The following NLRP7 variants were observed in gnomAD, a reference collection of about 807,000 sequenced individuals.
NLRP7 encodes NACHT, LRR and PYD domains-containing protein 7.
NLRP7 carries 72 observed loss-of-function variants against 85.5 expected under a neutral mutation model. That is an observed-to-expected ratio of 0.84 (90% CI 0.70 to 1.02). The LOEUF is 1.02. Among genes scored for constraint, NLRP7 ranks in the 50% least tolerant of loss-of-function variants. The pLI is 0.00. For synonymous variants in NLRP7, 550 were observed against 505.2 expected (o/e 1.09, Z -1.19); for missense variants, 1,243 against 1,219.5 (o/e 1.02, Z -0.29).
chr19:54,931,230 T>C (rs571701903), intron 8 of NLRP7, among the ~76,000 whole-genome samples: 43 of 152,158 alleles, frequency 2.8e-4, no homozygotes, highest in Middle Eastern at 6.8e-3. Flanking sequence ...AAGACCAGCC[T>C]GGCCAACATG....
At chr19:54,945,826 G>T (rs1442896542) in intron 1 of NLRP7, among the ~76,000 whole-genome samples, 1 of 151,682 alleles carries the variant, frequency 6.6e-6, no homozygotes, top group Non-Finnish European at 1.5e-5. Flanking sequence ...GTCTTGCTCT[G>T]TCACCCAGGC....
intron 8 of NLRP7, among the ~76,000 whole-genome samples, chr19:54,931,698 A>C (rs2068686234): frequency 6.6e-6 from 1 of 151,884 alleles, no homozygotes. Context: ...AAAAAAAAAA[A>C]AATTAGCCAG....
At position 54,926,913 on chromosome 19, in the gene NLRP7, CT is replaced by C. The variant is rs562761105; in HGVS notation, c.2811-3042del. On this transcript the variant is annotated intron_variant, in intron 9 of 9. Coordinates refer to ENST00000340844, the Ensembl canonical transcript of NLRP7. ...CCTGGGGGACAGAGAGAGACTCTGT[CT>C]TTAAAAAAAAAAAAAAAAAAAAAAA... 4.2e-4 allele frequency among the ~76,000 whole-genome samples: 25 copies of C among 59,696 alleles called. 2 individuals are homozygous for C. Among genetic ancestry groups the C allele is most frequent in the African/African-American group, 1.3e-3 (16 of 12,560 alleles). 39.2% of individuals were successfully genotyped at this position (59,696 alleles called of 152,430 possible).
chr19:54,938,195 A>C (rs759748084), exon 5 of NLRP7: 1 of 1,614,072 alleles, frequency 6.2e-7, no homozygotes, highest in East Asian at 2.2e-5. Context: ...AGGCGAAGAG[A>C]GCGAAGATCC....
At chr19:54,930,706 T>C (rs1400251578) in intron 8 of NLRP7, 40 bp from the exon 9 acceptor site, 6 of 1,559,624 alleles carry the variant, frequency 3.8e-6, no homozygotes, top group Non-Finnish European at 5.3e-6. Flanking sequence ...GTTATCCCTC[T>C]GGCTAACGCC....
In NLRP7 at chr19:54,934,449, A is replaced by G; in HGVS notation, c.2471+40T>C. On this transcript the variant is annotated intron_variant, in intron 7 of 9. Transcript: ENST00000340844. This position sits in a 1 kb window ranked among gnomAD's most constrained non-coding sequence, Gnocchi z 6.7. ...GTTACCCTTTCTCTTCTATAGCCCC[A>G]GAACTAAACCAGAGCTGCCCATGGG... 1 of 1,607,760 alleles carries G rather than the reference A, an allele frequency of 6.2e-7. No homozygotes were observed. Among genetic ancestry groups the G allele is most frequent in the South Asian group, 1.1e-5 (1 of 90,946 alleles).
chr19:54,954,385 C>G (rs933358716), intron 1 of NLRP7, among the ~76,000 whole-genome samples: 1 of 147,138 alleles, frequency 6.8e-6, no homozygotes. Flanking sequence ...AACTAATTAG[C>G]TGGGTGCGGT....
In NLRP7 at chr19:54,959,479, A is replaced by G. The variant is rs191086176; in HGVS notation, c.-77+6561T>C. 1.5e-3 allele frequency among the ~76,000 whole-genome samples: 233 copies of G among 151,484 alleles called. 4 individuals carry two copies. The highest frequency in any genetic ancestry group is 3.4e-3 in the Middle Eastern group (1 of 292). On this transcript the variant is annotated intron_variant, in intron 1 of 2. Coordinates refer to the NLRP7 transcript ENST00000587103. ...AAACAAGTACTGAGTATAAAACAAT[A>G]TAAAACAATATGAGACGGTTTCTCT...
intron 1 of NLRP7, among the ~76,000 whole-genome samples, chr19:54,961,442 G>A (rs1177422782): frequency 3.9e-5 from 6 of 151,972 alleles, no homozygotes; most frequent in African/African-American, 1.4e-4. Flanking sequence ...AGGTTGCAGT[G>A]AGCCAAGATC....
upstream of NLRP7, among the ~76,000 whole-genome samples, chr19:54,950,880 A>G (rs1017370456): frequency 1.6e-4 from 24 of 152,196 alleles, no homozygotes; most frequent in African/African-American, 5.8e-4. Flanking sequence ...CCATGAGACC[A>G]TATTTCAGGC....
intron 4 of NLRP7, among the ~76,000 whole-genome samples, chr19:54,938,472 C>T (rs2069042998): frequency 6.6e-6 from 1 of 151,934 alleles, no homozygotes; most frequent in Admixed American, 6.6e-5. Context: ...GCCTGTAATC[C>T]CAACACTTTG....
chr19:54,925,280 CCCA>C (rs2146136736), intron 9 of NLRP7, among the ~76,000 whole-genome samples: 1 of 152,236 alleles, frequency 6.6e-6, no homozygotes, highest in South Asian at 2.1e-4. Flanking sequence ...AGACCTCGGT[CCCA>C]CCAACAAGAG....
At chr19:54,924,535 G>A (rs867473277) in intron 9 of NLRP7, among the ~76,000 whole-genome samples, 42 of 152,210 alleles carry the variant, frequency 2.8e-4, no homozygotes, top group Middle Eastern at 6.8e-3. Flanking sequence ...GAGGCAAGAG[G>A]ATCACTTGAG....
intron 5 of NLRP7, 86 bp from the exon 6 acceptor site, chr19:54,936,517 T>A: frequency 8.3e-7 from 1 of 1,208,994 alleles, no homozygotes; most frequent in Non-Finnish European, 1.2e-6. Context: ...CTGTTTCACA[T>A]TTAGAAATTA....
rs772821750 is a variant in NLRP7, at chr19:54,939,262, T to G, written c.1557A>C (p.Gly519=). ...CGTTAGCGAGGCCGAATAAGAAGTG[T>G]CCTACTTGAATCAGGTCGGGGTTCT... Residue 519 remains glycine, a synonymous_variant, in exon 4 of 10, where the codon GGA becomes GGC. Transcript: ENST00000340844. 1.1e-5 allele frequency: 18 copies of G among 1,613,950 alleles called. No homozygotes were observed. In the African/African-American group the frequency reaches 2.1e-4, roughly 19 times the overall value.
intron 5 of NLRP7, among the ~76,000 whole-genome samples, chr19:54,937,613 A>T (rs182136217): frequency 6.7e-6 from 1 of 149,330 alleles, no homozygotes; most frequent in East Asian, 2.0e-4. Context: ...AAAATAAAAA[A>T]GGGGCCAGGT....
chr19:54,961,448 A>C (rs367954697), intron 1 of NLRP7, among the ~76,000 whole-genome samples: 1 of 152,002 alleles, frequency 6.6e-6, no homozygotes, highest in Non-Finnish European at 1.5e-5. Context: ...CAGTGAGCCA[A>C]GATCATGCCA....
At chr19:54,942,244 A>G (rs2069261929) in intron 1 of NLRP7, among the ~76,000 whole-genome samples, 1 of 126,432 alleles carries the variant, frequency 7.9e-6, no homozygotes, top group Non-Finnish European at 1.6e-5. Flanking sequence ...CGACAGAGCG[A>G]GACTCCGTCT....
exon 8 of NLRP7, chr19:54,933,585 T>C: frequency 6.2e-7 from 1 of 1,614,198 alleles, no homozygotes. Flanking sequence ...GTCTGCAGTT[T>C]ACAATCAGGG....
Sources: allele counts gnomAD v4.1 joint callset (sites outside exome capture counted in the v4.1 genomes callset), GRCh38; gene constraint gnomAD v4.1.1; non-coding constraint Gnocchi (gnomAD v3.1); transcripts MANE v1.5; gene names NCBI Gene and HGNC (gene_info 2026-07-23, HGNC 2026-07-21).